The following MUSK variants were observed in gnomAD, a reference collection of about 807,000 sequenced individuals.
The protein encoded by MUSK is muscle associated receptor tyrosine kinase.
Under a neutral mutation model 88.7 loss-of-function variants are expected in MUSK, and 55 were observed. That is an observed-to-expected ratio of 0.62 (90% CI 0.50 to 0.78). The LOEUF (loss-of-function observed/expected upper bound fraction) is 0.78. Ranked by LOEUF, MUSK falls within the 30% of genes least tolerant of loss-of-function variation. The pLI, the probability that MUSK is intolerant of heterozygous loss-of-function variation, is 0.00. For synonymous variants in MUSK, 387 were observed against 391.9 expected, an observed-to-expected ratio of 0.99 and a Z score of 0.15; for missense variants, 1,015 against 1,074.3, an observed-to-expected ratio of 0.94 and a Z score of 0.77.
intron 5 of MUSK, among the ~76,000 whole-genome samples, chr9:110,714,895 G>GTTCTTCTATCTGGTCTTTTTAC (rs1554742400): frequency 1.3e-5 from 2 of 151,378 alleles, no homozygotes; most frequent in African/African-American, 4.9e-5. Flanking sequence ...CTATTTAAGA[G>GTTCTTCTATCTGGTCTTTTTAC]CAGATTCAAA....
chr9:110,703,998 T>C (rs1336837351), intron 5 of MUSK, among the ~76,000 whole-genome samples: 1 of 152,208 alleles, frequency 6.6e-6, no homozygotes, highest in Admixed American at 6.5e-5. Flanking sequence ...AGACAGATTA[T>C]TTATAAGGGA....
chr9:110,692,655 G>A (rs1011523505), intron 3 of MUSK, among the ~76,000 whole-genome samples: 2 of 151,684 alleles, frequency 1.3e-5, no homozygotes, highest in Non-Finnish European at 2.9e-5. Context: ...GTGGTCTCCA[G>A]TATGACTATT....
At position 110,785,035 on chromosome 9, in the gene MUSK, C is replaced by T. The variant is rs2077830479; in HGVS notation, c.1586+19C>T. The T allele has an allele frequency of 6.2e-7, 1 of 1,604,906 alleles. No homozygotes were observed. The highest frequency in any genetic ancestry group is 8.5e-7 in the Non-Finnish European group (1 of 1,172,788). On this transcript the variant is annotated intron_variant, in intron 12 of 14. Transcript: ENST00000374448. Reference sequence around the variant, plus strand: ...AGAAAAGGTGAGATTCTAGTTTCAGCTAACCATGTGTAGTAATATTTTAAA... The same window carrying T: ...AGAAAAGGTGAGATTCTAGTTTCAGTTAACCATGTGTAGTAATATTTTAAA...
At chr9:110,720,423 T>C (rs1346189361) in intron 5 of MUSK, among the ~76,000 whole-genome samples, 1 of 151,862 alleles carries the variant, frequency 6.6e-6, no homozygotes, top group African/African-American at 2.4e-5. Context: ...ACAACTGATA[T>C]CACAGAAATA....
intron 1 of MUSK, among the ~76,000 whole-genome samples, chr9:110,676,364 T>TATATATATAATATATA (rs777356764): frequency 8.0e-6 from 1 of 124,306 alleles, no homozygotes; most frequent in African/African-American, 2.7e-5. Flanking sequence ...TATTATATAT[T>TATATATATAATATATA]ATATATGTGT....
At chr9:110,752,937 C>T (rs1049184531) in intron 7 of MUSK, among the ~76,000 whole-genome samples, 2 of 152,128 alleles carry the variant, frequency 1.3e-5, no homozygotes, top group South Asian at 2.1e-4. Flanking sequence ...CAGGAAGTTG[C>T]ATTTCCCCTC....
chr9:110,768,429 G>A (rs1272951677), intron 9 of MUSK, among the ~76,000 whole-genome samples: 1 of 152,232 alleles, frequency 6.6e-6, no homozygotes, highest in Non-Finnish European at 1.5e-5. Flanking sequence ...TGGGGAGGCA[G>A]AGGTTGCAGT....
chr9:110,707,323 A>T (rs912871519), intron 5 of MUSK, among the ~76,000 whole-genome samples: 13 of 152,124 alleles, frequency 8.5e-5, no homozygotes, highest in Admixed American at 2.0e-4. Flanking sequence ...ATTGCAAAAG[A>T]CTCATTTAAA....
intron 1 of MUSK, among the ~76,000 whole-genome samples, chr9:110,671,451 T>C (rs1464363815): frequency 6.6e-6 from 1 of 152,250 alleles, no homozygotes; most frequent in Non-Finnish European, 1.5e-5. Context: ...TATTAGCTAA[T>C]AAATTGACAT....
At chr9:110,730,192 A>G (rs1226636165) in intron 5 of MUSK, among the ~76,000 whole-genome samples, 1 of 141,028 alleles carries the variant, frequency 7.1e-6, no homozygotes, top group Non-Finnish European at 1.6e-5. Flanking sequence ...GAAAACCCAG[A>G]GTTAAATATA....
chr9:110,736,077 G>C (rs149780866), intron 6 of MUSK, among the ~76,000 whole-genome samples: 1 of 152,046 alleles, frequency 6.6e-6, no homozygotes, highest in Non-Finnish European at 1.5e-5. Context: ...CATAGTTCAC[G>C]ATATTGAACT....
Position 110,689,492 on chromosome 9 carries a change from A to T in MUSK, c.358+2224A>T, listed in dbSNP as rs1461077731. On this transcript the variant is annotated intron_variant, in intron 3 of 14. Transcript: ENST00000374448. ...ATATGTAAAAAATATAAAAATATGT[A>T]AAAAATACATATTTATATATAAATA... Among the ~76,000 whole-genome samples, 3 of 104,492 alleles carry T rather than the reference A, an allele frequency of 2.9e-5. 1 individual carries two copies. The highest frequency in any genetic ancestry group is 9.2e-5 in the African/African-American group (2 of 21,786). The allele number at this position is 104,492 out of a possible 152,430, so 68.6% of individuals were successfully genotyped here.
chr9:110,783,344 A>T (rs1206036770), intron 11 of MUSK, among the ~76,000 whole-genome samples: 1 of 152,098 alleles, frequency 6.6e-6, no homozygotes, highest in Non-Finnish European at 1.5e-5. Flanking sequence ...TAAATATGGA[A>T]ATTTTATCTC....
rs2075920699 is a variant in MUSK, at chr9:110,668,805, A to G, written c.-100A>G. 4 of 888,910 alleles carry G rather than the reference A, an allele frequency of 4.5e-6. No individual in the cohort carries two copies. The highest frequency in any genetic ancestry group is 7.5e-6 in the Non-Finnish European group (4 of 535,916). 55.1% of individuals were successfully genotyped at this position (888,910 alleles called of 1,614,324 possible). On this transcript the variant is annotated 5_prime_UTR_variant, in exon 1 of 15. Coordinates refer to ENST00000374448, the MANE Select transcript of MUSK (RefSeq NM_005592.4). ...CTGACACAAACAGTCATTAGCAGAC[A>G]ACCCTTTTGCAACAAAGTATGCTTT...
chr9:110,769,554 T>C (rs886943044), intron 9 of MUSK, among the ~76,000 whole-genome samples: 1 of 152,154 alleles, frequency 6.6e-6, no homozygotes, highest in Admixed American at 6.5e-5. Flanking sequence ...GAAATACTGA[T>C]GCTATTTCAA....
At chr9:110,791,139 T>C (rs1299764369) in intron 14 of MUSK, among the ~76,000 whole-genome samples, 3 of 151,964 alleles carry the variant, frequency 2.0e-5, no homozygotes, top group Non-Finnish European at 4.4e-5. Flanking sequence ...AGCTCCGGTC[T>C]ACAGCTCCCA....
chr9:110,754,121 T>C (rs897034755), intron 7 of MUSK, among the ~76,000 whole-genome samples: 5 of 152,234 alleles, frequency 3.3e-5, no homozygotes, highest in Non-Finnish European at 7.3e-5. Context: ...TTCTCTGGTT[T>C]TAAATTAATT....
intron 11 of MUSK, among the ~76,000 whole-genome samples, chr9:110,777,657 C>T (rs191737621): frequency 6.6e-6 from 1 of 152,170 alleles, no homozygotes; most frequent in East Asian, 1.9e-4. Flanking sequence ...TGTTATCCAT[C>T]GATTGCTCAC....
intron 8 of MUSK, among the ~76,000 whole-genome samples, chr9:110,766,432 CAACA>C (rs1401288532): frequency 6.6e-6 from 1 of 152,050 alleles, no homozygotes; most frequent in African/African-American, 2.4e-5. Context: ...TAAATATTCC[CAACA>C]AACAAAGGGA....
Sources: gnomAD v4.1 joint callset for allele counts (sites outside exome capture counted in the v4.1 genomes callset) on GRCh38, gnomAD v4.1.1 for gene constraint, MANE v1.5 for transcripts, NCBI Gene and HGNC (gene_info 2026-07-23, HGNC 2026-07-21) for gene names.